Variants in FSTL4 observed in about 807,000 individuals in gnomAD.
FSTL4 encodes follistatin-related protein 4.
In FSTL4, 28 loss-of-function variants were observed where a neutral mutation model predicts 78.2. The ratio of observed to expected loss-of-function variants is 0.36; its 90% CI spans 0.27 to 0.49. The LOEUF (loss-of-function observed/expected upper bound fraction) is 0.49, where lower values mean the gene tolerates loss of function less well. Ranked by LOEUF, FSTL4 falls within the 20% of genes least tolerant of loss-of-function variation. The pLI, the probability that FSTL4 is intolerant of heterozygous loss-of-function variation, is 0.98. For synonymous variants in FSTL4, 422 were observed against 440.5 expected (o/e 0.96, Z 0.53); for missense variants, 922 against 1,084.9 (o/e 0.85, Z 2.11).
chr5:133,751,054 G>A, the FSTL4 span, among the ~76,000 whole-genome samples: 261 of 151,156 alleles, frequency 1.7e-3, 1 homozygote, highest in African/African-American at 4.7e-3. Context: ...CCCATCCTTC[G>A]CCACCCTACG....
intron 2 of FSTL4, among the ~76,000 whole-genome samples, chr5:133,596,795 G>A (rs1360273746): frequency 3.3e-5 from 5 of 152,190 alleles, no homozygotes; most frequent in Admixed American, 6.5e-5. Context: ...GTGATTGAGG[G>A]AAGACCTCAG....
the FSTL4 span, among the ~76,000 whole-genome samples, chr5:133,753,683 C>CTTTGTGTTTGTG: frequency 1.9e-3 from 224 of 120,690 alleles, 1 homozygote; most frequent in African/African-American, 6.2e-3. Context: ...CACATTTGTT[C>CTTTGTGTTTGTG]TGTGTGTGTG....
chr5:133,483,331 C>A (rs903301540), intron 3 of FSTL4, among the ~76,000 whole-genome samples: 1 of 152,194 alleles, frequency 6.6e-6, no homozygotes, highest in African/African-American at 2.4e-5. Context: ...AGAGATAGCA[C>A]AAATGCCCAG....
intron 3 of FSTL4, among the ~76,000 whole-genome samples, chr5:133,408,977 G>A (rs966807137): frequency 6.6e-6 from 1 of 152,108 alleles, no homozygotes; most frequent in Admixed American, 6.6e-5. Context: ...GTCTTCGGGA[G>A]GCCAGCCTTA....
intron 2 of FSTL4, among the ~76,000 whole-genome samples, chr5:133,583,098 CT>C (rs1308033331): frequency 6.6e-6 from 1 of 152,242 alleles, no homozygotes; most frequent in East Asian, 1.9e-4. Flanking sequence ...GAGCTTGCCT[CT>C]GGCCTCATCT....
chr5:133,791,772 C>T, the FSTL4 span, among the ~76,000 whole-genome samples: 2 of 152,262 alleles, frequency 1.3e-5, no homozygotes, highest in Non-Finnish European at 2.9e-5. Flanking sequence ...CAGCTCCCCT[C>T]CTCCTCCTCT....
the FSTL4 span, among the ~76,000 whole-genome samples, chr5:133,650,670 A>G: frequency 1.3e-5 from 2 of 152,156 alleles, no homozygotes; most frequent in African/African-American, 2.4e-5. Context: ...CCAGTAAAAC[A>G]CTGTCTTGAT....
the FSTL4 span, among the ~76,000 whole-genome samples, chr5:133,654,719 AG>A: frequency 1.3e-5 from 2 of 152,304 alleles, no homozygotes; most frequent in South Asian, 4.1e-4. Flanking sequence ...ATACCAGGCA[AG>A]GGTGGAGAAA....
chr5:133,514,182 GATA>G lies in FSTL4; in HGVS notation c.160+53001_160+53003del, dbSNP rs10671234. Among the ~76,000 whole-genome samples, 700 of 116,590 alleles carry G rather than the reference GATA, an allele frequency of 6.0e-3. 3 individuals carry two copies. Among genetic ancestry groups the G allele is most frequent in the South Asian group, 8.4e-3 (31 of 3,676 alleles). 76.5% of individuals were successfully genotyped at this position (116,590 alleles called of 152,430 possible). A position where few individuals can be genotyped will look rare whatever the true frequency, so the allele number is the denominator to read the frequency against. ...CTAAAGAGCAAGACTCCGTCTCAAT[GATA>G]ATAATAATAATAATAATAATAATAA... is the stretch of plus-strand genomic sequence containing the variant. On this transcript the variant is annotated intron_variant, in intron 3 of 15. Coordinates refer to ENST00000265342, the MANE Select transcript of FSTL4 (RefSeq NM_015082.2).
chr5:133,748,859 C>T, the FSTL4 span, among the ~76,000 whole-genome samples: 8 of 152,214 alleles, frequency 5.3e-5, no homozygotes, highest in East Asian at 1.2e-3. Context: ...AGAGAGAGAG[C>T]GTTGAGAATA....
chr5:133,653,364 G>A, the FSTL4 span, among the ~76,000 whole-genome samples: 2 of 152,236 alleles, frequency 1.3e-5, no homozygotes, highest in Admixed American at 1.3e-4. Flanking sequence ...CAACCCACAA[G>A]GCACCCCAGC....
chr5:133,610,679 C>A (rs1761070686), intron 1 of FSTL4, among the ~76,000 whole-genome samples: 1 of 152,228 alleles, frequency 6.6e-6, no homozygotes, highest in Non-Finnish European at 1.5e-5. Flanking sequence ...AGGTGGACCC[C>A]CCGCCAACCA....
chr5:133,550,895 T>C (rs951103027), intron 3 of FSTL4, among the ~76,000 whole-genome samples: 3 of 152,192 alleles, frequency 2.0e-5, no homozygotes, highest in African/African-American at 7.2e-5. Context: ...TTCTTTTCAC[T>C]GTATGAGCGA....
chr5:133,756,764 T>C, the FSTL4 span, among the ~76,000 whole-genome samples: 1 of 152,154 alleles, frequency 6.6e-6, no homozygotes, highest in African/African-American at 2.4e-5. Context: ...ATTTCTTCTA[T>C]AGGCATTGTG....
At chr5:133,272,631 C>A (rs764446581) in intron 6 of FSTL4, among the ~76,000 whole-genome samples, 1 of 152,172 alleles carries the variant, frequency 6.6e-6, no homozygotes, top group Non-Finnish European at 1.5e-5. Context: ...AAGTGTCATC[C>A]AAAAGTAATT....
chr5:133,766,951 G>A, the FSTL4 span, among the ~76,000 whole-genome samples: 131 of 152,326 alleles, frequency 8.6e-4, no homozygotes, highest in African/African-American at 3.0e-3. Context: ...GGAGGACAAG[G>A]CTTGAGCAAA....
At chr5:133,668,642 C>G in the FSTL4 span, among the ~76,000 whole-genome samples, 3 of 152,188 alleles carry the variant, frequency 2.0e-5, no homozygotes, top group African/African-American at 7.2e-5. Flanking sequence ...CATGACCTTG[C>G]TAGTAGCCAG....
the FSTL4 span, among the ~76,000 whole-genome samples, chr5:133,732,260 G>A: frequency 6.6e-6 from 1 of 152,144 alleles, no homozygotes; most frequent in Non-Finnish European, 1.5e-5. Flanking sequence ...GTACCAACCT[G>A]GGCCTGTGTA....
chr5:133,733,047 T>G, the FSTL4 span, among the ~76,000 whole-genome samples: 1 of 152,234 alleles, frequency 6.6e-6, no homozygotes, highest in African/African-American at 2.4e-5. Context: ...CTTCAGCCCA[T>G]GGGAGTTTCT....
Sources: allele counts gnomAD v4.1 joint callset (sites outside exome capture counted in the v4.1 genomes callset), GRCh38; gene constraint gnomAD v4.1.1; transcripts MANE v1.5; gene names NCBI Gene and HGNC (gene_info 2026-07-23, HGNC 2026-07-21).